RER1: variants seen among roughly 807,000 people sequenced by gnomAD.
RER1 encodes protein RER1.
In RER1, 6 loss-of-function variants were observed where a neutral mutation model predicts 28.3. The ratio of observed to expected loss-of-function variants is 0.21; its 90% CI spans 0.12 to 0.42. RER1 has a LOEUF of 0.42. Among genes scored for constraint, RER1 ranks in the 10% least tolerant of loss-of-function variants. RER1 has a pLI of 1.00. For missense variants in RER1, 159 were observed against 252.9 expected, an observed-to-expected ratio of 0.63 and a Z score of 2.52; for synonymous variants, 110 against 95.9, an observed-to-expected ratio of 1.15 and a Z score of -0.86.
chr1:2,392,363 A>G (rs1335007938), intron 1 of RER1, among the ~76,000 whole-genome samples: 1 of 152,222 alleles, frequency 6.6e-6, no homozygotes, highest in Non-Finnish European at 1.5e-5. Context: ...CCCTGTCCCC[A>G]TCCTGCGTCC....
Position 2,404,373 on chromosome 1 carries a change from T to C in RER1, c.*1249T>C. ...GTTGAGACACTTGGGATTCTCAGAC[T>C]GTGGACAGGAGTGTTTGTCATTTTT... On this transcript the variant is annotated 3_prime_UTR_variant, in exon 7 of 7. Coordinates refer to ENST00000605895, the MANE Select transcript of RER1 (RefSeq NM_007033.5). The C allele has an allele frequency of 6.6e-6, 1 of 152,310 alleles. No homozygotes were observed. The highest frequency in any genetic ancestry group is 1.9e-4 in the East Asian group (1 of 5,208). 9.4% of individuals were successfully genotyped at this position (152,310 alleles called of 1,614,324 possible). A position where few individuals can be genotyped will look rare whatever the true frequency, so the allele number is the denominator to read the frequency against.
intron 5 of RER1, among the ~76,000 whole-genome samples, chr1:2,401,449 C>T (rs1283021099): frequency 8.0e-6 from 1 of 125,528 alleles, no homozygotes; most frequent in African/African-American, 3.1e-5. Flanking sequence ...CCTTGTGGCT[C>T]CTTTTGGCTG....
In RER1 at chr1:2,405,341, C is replaced by T; in HGVS notation, c.*2217C>T. On this transcript the variant is annotated 3_prime_UTR_variant, in exon 7 of 7. Transcript: ENST00000605895. ...CAACCCGCCAGCCTCCGTGCCCCAC[C>T]CCACCCAGCACGCACTCATTCAGTC... 3.0e-6 allele frequency: 1 copy of T among 337,422 alleles called. No individual in the cohort carries two copies. The highest frequency in any genetic ancestry group is 5.8e-6 in the Non-Finnish European group (1 of 173,464). The allele number at this position is 337,422 out of a possible 1,614,324, so 20.9% of individuals were successfully genotyped here.
intron 5 of RER1, among the ~76,000 whole-genome samples, chr1:2,401,262 C>CTTCCTCCCTCCT (rs1168337390): frequency 1.6e-5 from 2 of 121,484 alleles, no homozygotes; most frequent in African/African-American, 3.2e-5. Flanking sequence ...TTCCTCCCTC[C>CTTCCTCCCTCCT]TCCACCCTCC....
chr1:2,402,441 T>C, intron 6 of RER1, 99 bp downstream of exon 6: 1 of 1,509,224 alleles, frequency 6.6e-7, no homozygotes, highest in Non-Finnish European at 9.1e-7. Flanking sequence ...GGTGGCAGAG[T>C]CTGCCTGGTG....
intron 6 of RER1, among the ~76,000 whole-genome samples, chr1:2,402,601 C>T (rs554964390): frequency 2.3e-4 from 35 of 152,296 alleles, no homozygotes; most frequent in Non-Finnish European, 4.4e-4. Flanking sequence ...AGAGCCCCGG[C>T]GAGTGCAGTG....
Position 2,397,154 on chromosome 1 carries a change from G to A in RER1, c.120G>A (p.Thr40=), listed in dbSNP as rs770952201. The change falls in exon 3 of 7, where the codon ACG becomes ACA. Residue 40 remains threonine, a synonymous_variant. Transcript: ENST00000605895. ...QSWLDKSTPY[T]AVRWVVTLGL... ...GGCTAGACAAGTCCACACCCTACAC[G>A]GCTGTGCGATGGGTCGTGACACTGG... 14 of 1,613,984 alleles carry A rather than the reference G, an allele frequency of 8.7e-6. No individual in the cohort carries two copies. Among genetic ancestry groups the A allele is most frequent in the East Asian group, 2.2e-5 (1 of 44,868 alleles).
In RER1 at chr1:2,400,906, C is replaced by T. The variant is rs1642836585; in HGVS notation, c.336C>T (p.Phe112=). The change falls in exon 5 of 7, where the codon TTC becomes TTT. Residue 112 remains phenylalanine, a synonymous_variant. Transcript: ENST00000605895. ...AACAGAACGAGGAATTCCGCCCCTT[C>T]ATTCGAAGGCTCCCAGAGTTTAAAT... ...PTKQNEEFRP[F]IRRLPEFKFW... The T allele has an allele frequency of 1.9e-6, 3 of 1,614,112 alleles. No individual in the cohort carries two copies. Among genetic ancestry groups the T allele is most frequent in the Non-Finnish European group, 2.5e-6 (3 of 1,179,964 alleles).
At chr1:2,396,071 A>G (rs1384605235) in intron 2 of RER1, 200 bp downstream of exon 2, 2 of 586,648 alleles carry the variant, frequency 3.4e-6, no homozygotes, top group Non-Finnish European at 6.1e-6. Context: ...CACGTGGTCT[A>G]TCAAACATAT....
chr1:2,401,367 CTCCT>C (rs1642856234), intron 5 of RER1, among the ~76,000 whole-genome samples: 1 of 44,750 alleles, frequency 2.2e-5, no homozygotes, highest in Non-Finnish European at 4.7e-5. Context: ...CTCCTCCTCC[CTCCT>C]TCCTCCCTCC....
chr1:2,404,188 C>A lies in RER1; in HGVS notation c.*1064C>A, dbSNP rs1642921815. ...AGGCTCCTCACTCTGGGCGGTGTTT[C>A]CTGTCTCAGAATTGACACGGTGAAT... On this transcript the variant is annotated 3_prime_UTR_variant, in exon 7 of 7. Transcript: ENST00000605895. 1 of 152,332 alleles carries A rather than the reference C, an allele frequency of 6.6e-6. No individual in the cohort carries two copies. The highest frequency in any genetic ancestry group is 1.5e-5 in the Non-Finnish European group (1 of 68,048). 9.4% of individuals were successfully genotyped at this position (152,332 alleles called of 1,614,324 possible).
At chr1:2,400,479 G>A (rs750685113) in intron 4 of RER1, among the ~76,000 whole-genome samples, 2 of 152,232 alleles carry the variant, frequency 1.3e-5, no homozygotes, top group Non-Finnish European at 2.9e-5. Context: ...CAGGCCTGGC[G>A]CCCGGGTTCC....
intron 4 of RER1, 111 bp from the exon 5 acceptor site, chr1:2,400,746 A>G: frequency 1.1e-6 from 1 of 880,724 alleles, no homozygotes; most frequent in South Asian, 1.4e-5. Context: ...AATGACATGA[A>G]TCTCGGTTTA....
Position 2,404,168 on chromosome 1 carries a change from C to T in RER1, c.*1044C>T, listed in dbSNP as rs971930897. The T allele has an allele frequency of 2.6e-5, 4 of 152,248 alleles. No homozygotes were observed. Among genetic ancestry groups the T allele is most frequent in the Admixed American group, 6.5e-5 (1 of 15,278 alleles). The allele number at this position is 152,248 out of a possible 1,614,324, so 9.4% of individuals were successfully genotyped here. On this transcript the variant is annotated 3_prime_UTR_variant, in exon 7 of 7. Coordinates refer to ENST00000605895, the MANE Select transcript of RER1 (RefSeq NM_007033.5). ...TCCTGGGCCCCGGGCTGCGCAGGCTCCTCACTCTGGGCGGTGTTTCCTGTC... is the reference window on the plus strand; with the variant it reads ...TCCTGGGCCCCGGGCTGCGCAGGCTTCTCACTCTGGGCGGTGTTTCCTGTC...
At chr1:2,398,229 G>T (rs1642797321) in intron 3 of RER1, among the ~76,000 whole-genome samples, 1 of 152,080 alleles carries the variant, frequency 6.6e-6, no homozygotes, top group Non-Finnish European at 1.5e-5. Context: ...TTCAGCCGAG[G>T]ATGGACACAC....
Position 2,403,118 on chromosome 1 carries a change from C to T in RER1, c.585C>T (p.Ala195=). The T allele has an allele frequency of 6.2e-7, 1 of 1,613,760 alleles. No homozygotes were observed. The highest frequency in any genetic ancestry group is 1.1e-5 in the South Asian group (1 of 91,072). The change falls in exon 7 of 7, where the codon GCC becomes GCT. Residue 195 remains alanine (A), a synonymous_variant. Coordinates refer to ENST00000605895, the MANE Select transcript of RER1 (RefSeq NM_007033.5). ...AGGAGGATGCCGGCAAGGCCTTCGCCAGCTAGAAGCGGGACTGAGGCTGCC... is the reference window on the plus strand; with the variant it reads ...AGGAGGATGCCGGCAAGGCCTTCGCTAGCTAGAAGCGGGACTGAGGCTGCC... The part of the protein sequence containing the change: ...RGKEDAGKAF[A]S
At position 2,395,770 on chromosome 1, in the gene RER1, T is replaced by C; in HGVS notation, c.-7-14T>C. ...ATGCTTTTTACTGAAAAGTATTTTG[T>C]GTTTTTCTCCCAGTTACAGAATGTC... is the stretch of plus-strand genomic sequence containing the variant. On this transcript the variant is annotated splice_polypyrimidine_tract_variant and intron_variant, in intron 1 of 6. Coordinates refer to ENST00000605895, the MANE Select transcript of RER1 (RefSeq NM_007033.5). 1 of 1,588,458 alleles carries C rather than the reference T, an allele frequency of 6.3e-7. No individual in the cohort carries two copies. Among genetic ancestry groups the C allele is most frequent in the Non-Finnish European group, 8.6e-7 (1 of 1,156,626 alleles).
At chr1:2,401,000 A>G in intron 5 of RER1, 65 bp downstream of exon 5, 1 of 1,397,754 alleles carries the variant, frequency 7.2e-7, no homozygotes. Context: ...CTGAGACTAC[A>G]CTGATTTTTG....
In RER1 at chr1:2,402,198, C is replaced by T. The variant is rs1362089895; in HGVS notation, c.366-9C>T. 5 of 1,614,052 alleles carry T rather than the reference C, an allele frequency of 3.1e-6. No individual in the cohort carries two copies. Among genetic ancestry groups the T allele is most frequent in the East Asian group, 2.2e-5 (1 of 44,886 alleles). Reference sequence around the variant, plus strand: ...AGATGCGGCGCTAACCTTCTCTCCCCACTTGAAGGCATGCGGCTACCAAGG... The same window carrying T: ...AGATGCGGCGCTAACCTTCTCTCCCTACTTGAAGGCATGCGGCTACCAAGG... On this transcript the variant is annotated splice_polypyrimidine_tract_variant and intron_variant, in intron 5 of 6. Transcript: ENST00000605895.
Sources: gnomAD v4.1 joint callset for allele counts (sites outside exome capture counted in the v4.1 genomes callset) on GRCh38, gnomAD v4.1.1 for gene constraint, MANE v1.5 for transcripts, NCBI Gene and HGNC (gene_info 2026-07-23, HGNC 2026-07-21) for gene names.